Variants in SCAP observed in about 807,000 individuals in gnomAD.
SCAP encodes SREBF chaperone, also known as sterol regulatory element-binding protein cleavage-activating protein.
SCAP carries 65 observed loss-of-function variants against 123.6 expected under a neutral mutation model. That is an observed-to-expected ratio of 0.53 (90% CI 0.43 to 0.65). The LOEUF is 0.65. Among genes scored for constraint, SCAP ranks in the 30% least tolerant of loss-of-function variants. The pLI is 0.00. For missense variants in SCAP, 1,398 were observed against 1,712.5 expected (o/e 0.82, Z 3.24); for synonymous variants, 740 against 726.3 (o/e 1.02, Z -0.30).
intron 1 of SCAP, among the ~76,000 whole-genome samples, chr3:47,454,574 C>T (rs1394470176): frequency 2.0e-5 from 3 of 149,476 alleles, no homozygotes; most frequent in Non-Finnish European, 4.5e-5. Flanking sequence ...CTAAAAAATA[C>T]AAAAATTAGT....
chr3:47,425,697 T>C (rs1706097963), intron 7 of SCAP, 86 bp from the exon 8 acceptor site: 1 of 1,462,258 alleles, frequency 6.8e-7, no homozygotes. Flanking sequence ...GCCCTGACAG[T>C]CGAGGAAGGG....
At position 47,417,458 on chromosome 3, in the gene SCAP, CCAGGCGAGGGTGGGCG is replaced by C; in HGVS notation, c.2800_2815del (p.Arg934GlyfsTer132). On this transcript the variant is annotated frameshift_variant, in exon 17 of 23. Coordinates refer to ENST00000265565, the MANE Select transcript of SCAP (RefSeq NM_012235.4). LOFTEE classifies it high-confidence loss of function. ...CTCAGGGGCCTGGGACAGCACCGGC[CCAGGCGAGGGTGGGCG>C]CAGGGCTGGTGTGCAGACGGCCGCC... is the stretch of plus-strand genomic sequence containing the variant. 1 of 1,552,000 alleles carries C rather than the reference CCAGGCGAGGGTGGGCG, an allele frequency of 6.4e-7. No homozygotes were observed. The highest frequency in any genetic ancestry group is 1.7e-4 in the Middle Eastern group (1 of 5,744).
At chr3:47,463,268 CCAACAAT>C (rs1707711912) in intron 1 of SCAP, among the ~76,000 whole-genome samples, 1 of 152,180 alleles carries the variant, frequency 6.6e-6, no homozygotes, top group Non-Finnish European at 1.5e-5. Flanking sequence ...CCCAACCTGA[CCAACAAT>C]CATCATCTCC....
rs377151001 is a variant in SCAP, at chr3:47,418,816, T to C, written c.1968A>G (p.Pro656=). The part of the protein sequence containing the change: ...KRYISLLPVI[P]VTLRLNPREA... ...CCCTCGGGTTCAGGCGGAGCGTGAC[T>C]GGGATGACGGGCAGCAGGCTGATGT... The change falls in exon 14 of 23, where the codon CCA becomes CCG. Residue 656 remains proline (P), a synonymous_variant. Coordinates refer to ENST00000265565, the MANE Select transcript of SCAP (RefSeq NM_012235.4). 6 of 1,531,200 alleles carry C rather than the reference T, an allele frequency of 3.9e-6. No homozygotes were observed. In the African/African-American group the frequency reaches 5.6e-5, roughly 14 times the overall value. 94.9% of individuals were successfully genotyped at this position (1,531,200 alleles called of 1,614,324 possible).
chr3:47,418,920 T>C, intron 13 of SCAP, 77 bp from the exon 14 acceptor site: 2 of 1,376,456 alleles, frequency 1.5e-6, no homozygotes, highest in Admixed American at 3.0e-5. Context: ...GCCAGTCCTC[T>C]CCCTCCTCCC....
At chr3:47,414,772 G>C in intron 20 of SCAP, 55 bp downstream of exon 20, 1 of 1,601,518 alleles carries the variant, frequency 6.2e-7, no homozygotes. Flanking sequence ...GAATGCATCA[G>C]GCTCCCACCC....
chr3:47,452,581 T>G (rs1707265855), intron 1 of SCAP, among the ~76,000 whole-genome samples: 1 of 152,202 alleles, frequency 6.6e-6, no homozygotes, highest in Non-Finnish European at 1.5e-5. Context: ...TGTCCCAATC[T>G]AAATCCTTGT....
intron 1 of SCAP, among the ~76,000 whole-genome samples, chr3:47,461,852 G>T (rs1013706719): frequency 2.0e-5 from 3 of 152,132 alleles, no homozygotes; most frequent in African/African-American, 7.2e-5. Flanking sequence ...TGAGCAACAC[G>T]GTGAAACCCT....
At chr3:47,474,036 C>A (rs1034890713) in intron 1 of SCAP, among the ~76,000 whole-genome samples, 54 of 152,002 alleles carry the variant, frequency 3.6e-4, no homozygotes, top group African/African-American at 1.2e-3. Flanking sequence ...GAGGCCGAAG[C>A]GGACGGATCA....
chr3:47,471,346 A>AT (rs879378506), intron 1 of SCAP, among the ~76,000 whole-genome samples: 25 of 152,324 alleles, frequency 1.6e-4, no homozygotes, highest in Non-Finnish European at 3.1e-4. Flanking sequence ...TTTATAGTAA[A>AT]ACCTGAGACA....
rs763198090 is a variant in SCAP at position 47,417,334 on chromosome 3, G to C, written c.2940C>G (p.Ile980Met). Reference protein sequence around the residue: ...IWSLELQGNLIVVGRSSGRLE... With the variant: ...IWSLELQGNLMVVGRSSGRLE... Reference sequence around the variant, plus strand: ...GCCGGCCGCTGCTCCGCCCCACCACGATGAGGTTGCCCTGCAGCTCCAAGC... The same window carrying C: ...GCCGGCCGCTGCTCCGCCCCACCACCATGAGGTTGCCCTGCAGCTCCAAGC... Residue 980 changes from isoleucine (I) to methionine (M), a missense_variant, in exon 17 of 23, where the codon ATC (isoleucine) becomes ATG (methionine). Around this residue, in one of 7 missense-constraint regions of SCAP, gnomAD observed 828 missense variants for 882.5 expected, o/e 0.94. Transcript: ENST00000265565. 28 of 1,611,730 alleles carry C rather than the reference G, an allele frequency of 1.7e-5. No individual in the cohort carries two copies. The highest frequency in any genetic ancestry group is 2.3e-5 in the Non-Finnish European group (27 of 1,179,644).
chr3:47,424,955 T>G (rs1157177312), intron 8 of SCAP, among the ~76,000 whole-genome samples: 2 of 151,998 alleles, frequency 1.3e-5, no homozygotes, highest in East Asian at 3.9e-4. Flanking sequence ...AAGGGGAAAG[T>G]AAACATCAGT....
chr3:47,449,697 C>T lies in SCAP; in HGVS notation c.-98-6606G>A, dbSNP rs114849033. On this transcript the variant is annotated intron_variant, in intron 1 of 22. Coordinates refer to ENST00000265565, the MANE Select transcript of SCAP (RefSeq NM_012235.4). The stretch of plus-strand genomic sequence containing the variant: ...TCTGTGCACATCCAGCACACATTTC[C>T]AGGTTTGGGGCTGACTTTAAGTGCA... Among the ~76,000 whole-genome samples the T allele has an allele frequency of 1.9e-3, 232 of 124,572 alleles. 46 individuals carry two copies. The highest frequency in any genetic ancestry group is 6.1e-3 in the African/African-American group (224 of 36,446). 81.7% of individuals were successfully genotyped at this position (124,572 alleles called of 152,430 possible).
At position 47,420,842 on chromosome 3, in the gene SCAP, G is replaced by T; in HGVS notation, c.1345-70C>A. 2 of 1,445,978 alleles carry T rather than the reference G, an allele frequency of 1.4e-6. No individual in the cohort carries two copies. The highest frequency in any genetic ancestry group is 1.8e-6 in the Non-Finnish European group (2 of 1,081,340). The allele number at this position is 1,445,978 out of a possible 1,614,324, so 89.6% of individuals were successfully genotyped here. On this transcript the variant is annotated intron_variant, in intron 11 of 22. Coordinates refer to ENST00000265565, the MANE Select transcript of SCAP (RefSeq NM_012235.4). The surrounding 1 kb of genome is among the most constrained non-coding windows in gnomAD (Gnocchi z 5.0). ...GCTGCTCGCACAGGACCGCTGTCCT[G>T]CCCGAGGTCTACACCCTTCTCACCC... is the stretch of plus-strand genomic sequence containing the variant.
In SCAP at chr3:47,419,272, G is replaced by A; in HGVS notation, c.1940+56C>T. 2 of 1,552,660 alleles carry A rather than the reference G, an allele frequency of 1.3e-6. No homozygotes were observed. The highest frequency in any genetic ancestry group is 1.7e-6 in the Non-Finnish European group (2 of 1,146,330). On this transcript the variant is annotated intron_variant, in intron 13 of 22. Coordinates refer to ENST00000265565, the MANE Select transcript of SCAP (RefSeq NM_012235.4). The surrounding 1 kb of genome is among the most constrained non-coding windows in gnomAD (Gnocchi z 5.0). ...CTGTGGGCCTCCTGCATTGGGGAAAGGGGATGGTGAGTTGACACCATCGAG... is the reference window on the plus strand; with the variant it reads ...CTGTGGGCCTCCTGCATTGGGGAAAAGGGATGGTGAGTTGACACCATCGAG...
chr3:47,469,728 CT>C, intron 1 of SCAP: 1 of 402,530 alleles, frequency 2.5e-6, no homozygotes, highest in African/African-American at 2.1e-5. Context: ...CTTTGCTCCT[CT>C]TTCACCTTCT....
chr3:47,414,647 G>A lies in SCAP; in HGVS notation c.3312C>T (p.Phe1104=), dbSNP rs145829837. 170 of 1,613,316 alleles carry A rather than the reference G, an allele frequency of 1.1e-4. No homozygotes were observed. The African/African-American group carries it at 2.0e-3, about 19-fold the overall frequency. The change falls in exon 21 of 23, where the codon TTC becomes TTT. Residue 1104 remains phenylalanine, a synonymous_variant. Coordinates refer to ENST00000265565, the MANE Select transcript of SCAP (RefSeq NM_012235.4). ...AGAGGCAGCACGAGTCCTCCAGACGGAACACCTGGGACAGGGATGGGCCTC... is the reference window on the plus strand; with the variant it reads ...AGAGGCAGCACGAGTCCTCCAGACGAAACACCTGGGACAGGGATGGGCCTC... The part of the protein sequence containing the change: ...TGSQDHTLRV[F]RLEDSCCLFT...
At chr3:47,464,376 GTT>G (rs77826254) in intron 1 of SCAP, among the ~76,000 whole-genome samples, 1 of 146,362 alleles carries the variant, frequency 6.8e-6, no homozygotes, top group East Asian at 2.0e-4. Context: ...ACTGATTTGT[GTT>G]TTTTTTTTTA....
In SCAP at chr3:47,419,323, C is replaced by T. The variant is rs1705787309; in HGVS notation, c.1940+5G>A. On this transcript the variant is annotated splice_donor_5th_base_variant and intron_variant, in intron 13 of 22. Transcript: ENST00000265565. This position sits in a 1 kb window ranked among gnomAD's most constrained non-coding sequence, Gnocchi z 5.0. ...TGAGGTGGCACCTGGCACGGCCCAG[C>T]TCACCTCTTGGCCAGTGTGATGTTG... is the stretch of plus-strand genomic sequence containing the variant. 19 of 1,602,072 alleles carry T rather than the reference C, an allele frequency of 1.2e-5. No homozygotes were observed. The highest frequency in any genetic ancestry group is 1.5e-5 in the Non-Finnish European group (18 of 1,172,340).
Sources: gnomAD v4.1 joint callset for allele counts (sites outside exome capture counted in the v4.1 genomes callset) on GRCh38, gnomAD v4.1.1 for gene constraint, gnomAD v4.1.1 regional missense constraint, Gnocchi (gnomAD v3.1) non-coding constraint, MANE v1.5 for transcripts, NCBI Gene and HGNC (gene_info 2026-07-23, HGNC 2026-07-21) for gene names.